The following CLIP4 variants were observed in gnomAD, a reference collection of about 807,000 sequenced individuals.
CLIP4 encodes the protein CAP-Gly domain containing linker protein family member 4, also known as CAP-Gly domain-containing linker protein 4.
CLIP4 carries 47 observed loss-of-function variants against 73.1 expected under a neutral mutation model. The ratio of observed to expected loss-of-function variants is 0.64; its 90% confidence interval spans 0.51 to 0.82. CLIP4 has a LOEUF of 0.82. Ranked by LOEUF, CLIP4 falls within the 40% of genes least tolerant of loss-of-function variation. The pLI is 0.00. For missense variants in CLIP4, 874 were observed against 852.9 expected, an observed-to-expected ratio of 1.02 and a Z score of -0.31; for synonymous variants, 306 against 295.4, an observed-to-expected ratio of 1.04 and a Z score of -0.37.
At chr2:29,141,199 G>A (rs890027103) in intron 6 of CLIP4, among the ~76,000 whole-genome samples, 3 of 152,060 alleles carry the variant, frequency 2.0e-5, no homozygotes, top group African/African-American at 4.8e-5. Context: ...GAGATTCTTG[G>A]TGTGATTTTG....
intron 15 of CLIP4, among the ~76,000 whole-genome samples, chr2:29,177,108 A>T (rs1573048589): frequency 6.6e-6 from 1 of 152,110 alleles, no homozygotes; most frequent in South Asian, 2.1e-4. Flanking sequence ...TCAGGAGTAT[A>T]AAAAGTAACA....
Position 29,115,942 on chromosome 2 carries a change from C to G in CLIP4, c.-16+277C>G, listed in dbSNP as rs1053300472. On this transcript the variant is annotated intron_variant, in intron 1 of 15. Transcript: ENST00000320081. This position sits in a 1 kb window ranked among gnomAD's most constrained non-coding sequence, Gnocchi z 5.1. ...GACGGCCCAACTTTAGGTTGAGGGGCGCGGGGTGTGCGGGACCCGGCGGCG... is the reference window on the plus strand; with the variant it reads ...GACGGCCCAACTTTAGGTTGAGGGGGGCGGGGTGTGCGGGACCCGGCGGCG... Among the ~76,000 whole-genome samples the G allele has an allele frequency of 2.2e-4, 33 of 152,052 alleles. No individual in the cohort carries two copies. Among genetic ancestry groups the G allele is most frequent in the Non-Finnish European group, 7.4e-5 (5 of 67,966 alleles).
chr2:29,116,489 C>T (rs1663849191), intron 1 of CLIP4, among the ~76,000 whole-genome samples: 1 of 152,238 alleles, frequency 6.6e-6, no homozygotes, highest in Non-Finnish European at 1.5e-5. Context: ...CATCCGCCAG[C>T]ACTTAAATTG....
Position 29,183,457 on chromosome 2 carries a change from T to G in CLIP4, c.*1564T>G, listed in dbSNP as rs1558597873. 6.5e-6 allele frequency: 1 copy of G among 152,780 alleles called. No homozygotes were observed. The highest frequency in any genetic ancestry group is 1.9e-4 in the East Asian group (1 of 5,194). 9.5% of individuals were successfully genotyped at this position (152,780 alleles called of 1,614,324 possible). A position where few individuals can be genotyped will look rare whatever the true frequency, so the allele number is the denominator to read the frequency against. ...TATTGATTGAAGGAAATGACTGTAC[T>G]GCGATTCAAAAGTAAACTTATTTTA... On this transcript the variant is annotated 3_prime_UTR_variant, in exon 16 of 16. Coordinates refer to ENST00000320081, the MANE Select transcript of CLIP4 (RefSeq NM_024692.6).
rs1293157929 is a variant in CLIP4 at position 29,121,482 on chromosome 2, A to G, written c.94A>G (p.Ile32Val). ...FIFSASDTPV[I>V]FSISAAPMPS... ...ATTTTCTGCTTCTGATACCCCAGTT[A>G]TCTTTTCCATTTCTGCAGCACCAAT... The change falls in exon 2 of 16, where the codon ATC (isoleucine) becomes GTC (valine). Residue 32 changes from isoleucine to valine, a missense_variant. Physicochemically the swap from Ile to Val is conservative, Grantham distance 29. Transcript: ENST00000320081. The G allele has an allele frequency of 1.2e-6, 2 of 1,613,636 alleles. No individual in the cohort carries two copies. Among genetic ancestry groups the G allele is most frequent in the Non-Finnish European group, 8.5e-7 (1 of 1,179,854 alleles).
intron 1 of CLIP4, among the ~76,000 whole-genome samples, chr2:29,106,808 G>A (rs990517873): frequency 1.3e-5 from 2 of 152,130 alleles, no homozygotes; most frequent in African/African-American, 4.8e-5. Context: ...TGGTTGTGAT[G>A]ATCTTGATGA....
intron 14 of CLIP4, 89 bp downstream of exon 14, chr2:29,167,629 G>T: frequency 1.1e-6 from 1 of 909,844 alleles, no homozygotes. Context: ...GTATACAAAA[G>T]GGTCTATAAA....
intron 1 of CLIP4, among the ~76,000 whole-genome samples, chr2:29,107,812 A>C (rs1475815756): frequency 6.6e-6 from 1 of 152,134 alleles, no homozygotes; most frequent in Non-Finnish European, 1.5e-5. Flanking sequence ...TCAGCCTCCC[A>C]AGTAGCTGAG....
chr2:29,128,728 C>A (rs899059404), intron 2 of CLIP4, among the ~76,000 whole-genome samples: 1 of 152,086 alleles, frequency 6.6e-6, no homozygotes, highest in South Asian at 2.1e-4. Context: ...ACAAGATTCT[C>A]TCTCCCTCTT....
chr2:29,131,678 T>C (rs1348279247), intron 3 of CLIP4: 1 of 283,686 alleles, frequency 3.5e-6, no homozygotes, highest in African/African-American at 2.2e-5. Flanking sequence ...TGTAAACTTT[T>C]ATGCATTTCA....
At chr2:29,152,907 C>T in intron 9 of CLIP4, 79 bp downstream of exon 9, 1 of 1,486,878 alleles carries the variant, frequency 6.7e-7, no homozygotes. Flanking sequence ...TAGATTGCTT[C>T]ACTTTTTTTT....
chr2:29,149,071 G>A (rs116559744), intron 8 of CLIP4, among the ~76,000 whole-genome samples: 1 of 152,298 alleles, frequency 6.6e-6, no homozygotes, highest in African/African-American at 2.4e-5. Flanking sequence ...AATGTTGTAG[G>A]CCTTGTGGGC....
chr2:29,101,410 C>T (rs762991551), intron 1 of CLIP4, among the ~76,000 whole-genome samples: 3 of 151,830 alleles, frequency 2.0e-5, no homozygotes, highest in Non-Finnish European at 4.4e-5. Flanking sequence ...TCCAACAATC[C>T]AAAAGCTGAA....
chr2:29,155,252 G>A (rs928567091), intron 9 of CLIP4, among the ~76,000 whole-genome samples: 1 of 152,154 alleles, frequency 6.6e-6, no homozygotes, highest in African/African-American at 2.4e-5. Context: ...GGCTATGATT[G>A]TGCCACTGCA....
At chr2:29,107,371 T>TTTTGTTTTTTTTTTTTTTG (rs1668250020) in intron 1 of CLIP4, among the ~76,000 whole-genome samples, 3 of 119,008 alleles carry the variant, frequency 2.5e-5, no homozygotes, top group African/African-American at 1.0e-4. Flanking sequence ...TTTTTTTTTT[T>TTTTGTTTTTTTTTTTTTTG]TTTTTTTTTT....
At chr2:29,174,257 T>G in intron 14 of CLIP4, 116 bp from the exon 15 acceptor site, 2 of 939,074 alleles carry the variant, frequency 2.1e-6, no homozygotes, top group Non-Finnish European at 3.2e-6. Context: ...AGCCTGCTGT[T>G]TTGAAAGAAA....
chr2:29,156,243 T>A, intron 9 of CLIP4, 111 bp from the exon 10 acceptor site: 1 of 666,760 alleles, frequency 1.5e-6, no homozygotes, highest in Non-Finnish European at 2.5e-6. Context: ...ATCCAATATG[T>A]TTTCAGAAGT....
Position 29,174,599 on chromosome 2 carries a change from T to A in CLIP4, c.1796+154T>A, listed in dbSNP as rs1668215871. The A allele has an allele frequency of 7.3e-6, 10 of 1,362,304 alleles. No individual in the cohort carries two copies. The Admixed American group carries it at 1.7e-4, about 24-fold the overall frequency. The allele number at this position is 1,362,304 out of a possible 1,614,324, so 84.4% of individuals were successfully genotyped here. On this transcript the variant is annotated intron_variant, in intron 15 of 15. Transcript: ENST00000320081. ...GTGATAAGTGTATTGAGAAGCGTTC[T>A]TCCTCCCTCCTTTGCAAGCGCAATT...
intron 2 of CLIP4, among the ~76,000 whole-genome samples, chr2:29,124,795 C>T (rs574021133): frequency 3.9e-5 from 6 of 152,084 alleles, no homozygotes; most frequent in Admixed American, 3.9e-4. Flanking sequence ...TTTTTATGCC[C>T]AGGTCTCTTC....
Sources: allele counts gnomAD v4.1 joint callset (sites outside exome capture counted in the v4.1 genomes callset), GRCh38; gene constraint gnomAD v4.1.1; non-coding constraint Gnocchi (gnomAD v3.1); transcripts MANE v1.5; gene names NCBI Gene and HGNC (gene_info 2026-07-23, HGNC 2026-07-21).